SASH1: variants seen among roughly 807,000 people sequenced by gnomAD.
SASH1 encodes SAM and SH3 domain-containing protein 1.
In SASH1, 44 loss-of-function variants were observed where a neutral mutation model predicts 125.2. The ratio of observed to expected loss-of-function variants is 0.35; its 90% CI spans 0.28 to 0.45. SASH1 has a LOEUF of 0.45. Among genes scored for constraint, SASH1 ranks in the 20% least tolerant of loss-of-function variants. The probability of loss-of-function intolerance (pLI) is 1.00; values close to 1 mark genes in which losing one functional copy is unlikely to be tolerated. For missense variants in SASH1, 1,426 were observed against 1,614.5 expected (o/e 0.88, Z 2.00); for synonymous variants, 639 against 649.1 (o/e 0.98, Z 0.24).
intron 1 of SASH1, among the ~76,000 whole-genome samples, chr6:148,327,578 C>T (rs528008727): frequency 9.8e-4 from 148 of 150,864 alleles, no homozygotes; most frequent in South Asian, 2.5e-3. Flanking sequence ...CCACTGCGCC[C>T]GGCCAGAAAT....
intron 1 of SASH1, among the ~76,000 whole-genome samples, chr6:148,387,026 T>TCTCTCTTTCTTTCTTGCTTTCTCC: frequency 7.4e-6 from 1 of 134,768 alleles, no homozygotes; most frequent in Non-Finnish European, 1.7e-5. Flanking sequence ...TTGCTTTCTC[T>TCTCTCTTTCTTTCTTGCTTTCTCC]CTCTCTTTCT....
intron 1 of SASH1, among the ~76,000 whole-genome samples, chr6:148,372,578 T>TA (rs1237883864): frequency 6.6e-6 from 1 of 152,220 alleles, no homozygotes; most frequent in African/African-American, 2.4e-5. Context: ...GTAGATATGC[T>TA]ACTTAGAAGG....
At chr6:148,468,215 A>G (rs1056177677) in intron 4 of SASH1, among the ~76,000 whole-genome samples, 3 of 152,184 alleles carry the variant, frequency 2.0e-5, no homozygotes, top group South Asian at 2.1e-4. Flanking sequence ...CCTCTTACAC[A>G]AGAGACTTCC....
chr6:148,368,770 G>GCACGCACACACA (rs1554245333), intron 1 of SASH1, among the ~76,000 whole-genome samples: 3,257 of 135,714 alleles, frequency 0.024, 160 homozygotes, highest in African/African-American at 0.081. Flanking sequence ...GCACGCGCGC[G>GCACGCACACACA]CACACACACA....
At chr6:148,286,381 A>C (rs1779483628) in intron 1 of SASH1, among the ~76,000 whole-genome samples, 1 of 151,564 alleles carries the variant, frequency 6.6e-6, no homozygotes, top group Non-Finnish European at 1.5e-5. Context: ...GGCCTGGGTG[A>C]CAGAGCTTGA....
chr6:148,493,726 TAAAGA>T (rs879416768), intron 8 of SASH1, among the ~76,000 whole-genome samples: 3,232 of 152,302 alleles, frequency 0.021, 118 homozygotes, highest in African/African-American at 0.074. Flanking sequence ...TGTAAAGTAC[TAAAGA>T]TAGTTACCAG....
At chr6:148,265,710 T>TA in the SASH1 span, among the ~76,000 whole-genome samples, 4 of 152,110 alleles carry the variant, frequency 2.6e-5, no homozygotes, top group South Asian at 8.3e-4. Context: ...ACCCCACAGC[T>TA]AAAAAAAGCC....
chr6:148,438,131 A>T (rs1251751571), intron 2 of SASH1, among the ~76,000 whole-genome samples: 1 of 152,250 alleles, frequency 6.6e-6, no homozygotes. Flanking sequence ...TGGGTGTTAA[A>T]GGAGCAATTT....
At chr6:148,440,137 G>C (rs752471656) in intron 2 of SASH1, 47 bp from the exon 3 acceptor site, 9 of 1,577,692 alleles carry the variant, frequency 5.7e-6, no homozygotes, top group Non-Finnish European at 7.8e-6. Flanking sequence ...TTTCTCGCGT[G>C]TGACATGTTT....
chr6:148,502,777 G>A (rs1189181748), intron 8 of SASH1, among the ~76,000 whole-genome samples: 2 of 152,076 alleles, frequency 1.3e-5, no homozygotes, highest in African/African-American at 2.4e-5. Context: ...AGGGCCCCAG[G>A]GCCATGTAAA....
At chr6:148,502,080 A>T (rs1366575536) in intron 8 of SASH1, among the ~76,000 whole-genome samples, 1 of 152,318 alleles carries the variant, frequency 6.6e-6, no homozygotes, top group East Asian at 1.9e-4. Context: ...CTTTTTCCAA[A>T]TAAAACTATC....
chr6:148,391,944 G>T (rs1267365916), intron 2 of SASH1, among the ~76,000 whole-genome samples: 1 of 152,184 alleles, frequency 6.6e-6, no homozygotes, highest in East Asian at 1.9e-4. Context: ...AGTGGGGGCT[G>T]CATGGATATG....
chr6:148,390,726 T>C (rs373016952), intron 2 of SASH1, among the ~76,000 whole-genome samples: 7 of 151,334 alleles, frequency 4.6e-5, no homozygotes, highest in African/African-American at 1.5e-4. Context: ...TGGCAGAGCT[T>C]GCAGTGAGCC....
At chr6:148,452,118 G>A (rs1777126982) in intron 4 of SASH1, among the ~76,000 whole-genome samples, 1 of 152,216 alleles carries the variant, frequency 6.6e-6, no homozygotes, top group Admixed American at 6.5e-5. Context: ...GGCAACTGGA[G>A]CCATCATTAT....
At chr6:148,323,686 G>C (rs1353915969) in intron 1 of SASH1, among the ~76,000 whole-genome samples, 1 of 152,142 alleles carries the variant, frequency 6.6e-6, no homozygotes, top group Non-Finnish European at 1.5e-5. Flanking sequence ...ATGCAGAGGA[G>C]GCTGAGAAAG....
At chr6:148,343,478 A>G (rs945196214) in intron 1 of SASH1, among the ~76,000 whole-genome samples, 10 of 152,232 alleles carry the variant, frequency 6.6e-5, no homozygotes, top group African/African-American at 2.4e-4. Flanking sequence ...AATCTGGGAC[A>G]CCTGCTGACA....
the SASH1 span, among the ~76,000 whole-genome samples, chr6:148,200,362 G>A: frequency 2.0e-5 from 3 of 152,194 alleles, no homozygotes; most frequent in Admixed American, 6.5e-5. Flanking sequence ...TTGGCTAGAA[G>A]CTCAAGGCTG....
At chr6:148,291,676 AAAAC>A (rs1173937759) in intron 1 of SASH1, among the ~76,000 whole-genome samples, 19 of 152,272 alleles carry the variant, frequency 1.2e-4, no homozygotes, top group African/African-American at 4.3e-4. Flanking sequence ...AAAGTATCAA[AAAAC>A]AAACAAACAA....
intron 1 of SASH1, among the ~76,000 whole-genome samples, chr6:148,356,625 A>G (rs1781956506): frequency 6.9e-6 from 1 of 144,186 alleles, no homozygotes; most frequent in African/African-American, 2.6e-5. Context: ...ACCCACCACC[A>G]CATCCAGCTA....
Sources: allele counts gnomAD v4.1 joint callset (sites outside exome capture counted in the v4.1 genomes callset), GRCh38; gene constraint gnomAD v4.1.1; transcripts MANE v1.5; gene names NCBI Gene and HGNC (gene_info 2026-07-23, HGNC 2026-07-21).